The following CIBAR1 variants were observed in gnomAD, a reference collection of about 807,000 sequenced individuals.
The protein encoded by CIBAR1 is CBY1 interacting BAR domain containing 1, also known as CBY1-interacting BAR domain-containing protein 1.
Under a neutral mutation model 44.0 loss-of-function variants are expected in CIBAR1, and 25 were observed. The observed-to-expected ratio is 0.57, with a 90% CI of 0.41 to 0.79. CIBAR1 has a LOEUF of 0.79. Ranked by LOEUF, CIBAR1 falls within the 30% of genes least tolerant of loss-of-function variation. The pLI is 0.00. For missense variants in CIBAR1, 278 were observed against 344.8 expected (o/e 0.81, Z 1.53); for synonymous variants, 115 against 119.0 (o/e 0.97, Z 0.22).
At chr8:93,727,274 A>G (rs1373683666) in intron 8 of CIBAR1, 2 of 1,045,402 alleles carry the variant, frequency 1.9e-6, no homozygotes, top group Non-Finnish European at 2.6e-6. Context: ...TTCTATTTTC[A>G]TTTGATTCTC....
intron 7 of CIBAR1, among the ~76,000 whole-genome samples, chr8:93,724,095 C>G (rs1811378944): frequency 6.6e-6 from 1 of 152,006 alleles, no homozygotes; most frequent in African/African-American, 2.4e-5. Flanking sequence ...AGCCAGAGTA[C>G]CCCTGTGGTC....
intron 2 of CIBAR1, chr8:93,701,774 T>G: frequency 3.2e-6 from 1 of 311,984 alleles, no homozygotes; most frequent in South Asian, 4.5e-5. Flanking sequence ...TAAGCATAAC[T>G]TAATGTCTTG....
At chr8:93,727,925 T>C (rs1811602138) in intron 8 of CIBAR1, among the ~76,000 whole-genome samples, 2 of 151,698 alleles carry the variant, frequency 1.3e-5, no homozygotes. Flanking sequence ...TTAATATTCA[T>C]AATATAGAGT....
At chr8:93,725,156 T>C (rs1811429766) in intron 7 of CIBAR1, among the ~76,000 whole-genome samples, 1 of 152,032 alleles carries the variant, frequency 6.6e-6, no homozygotes, top group African/African-American at 2.4e-5. Context: ...CTGATTGTTT[T>C]TTTGTTTGGA....
intron 4 of CIBAR1, chr8:93,707,224 A>G (rs777316257): frequency 4.6e-6 from 2 of 432,494 alleles, no homozygotes; most frequent in South Asian, 3.4e-5. Context: ...TTTTCAGTGA[A>G]AAGAAGAAAT....
chr8:93,700,881 C>G, intron 1 of CIBAR1: 1 of 1,309,334 alleles, frequency 7.6e-7, no homozygotes, highest in Non-Finnish European at 9.6e-7. Flanking sequence ...CGGCTGCCAC[C>G]CACCCACGCC....
chr8:93,726,305 T>TAA, intron 7 of CIBAR1, 89 bp from the exon 8 acceptor site: 1 of 1,229,250 alleles, frequency 8.1e-7, no homozygotes, highest in Non-Finnish European at 1.1e-6. Flanking sequence ...GTTGTTTTTT[T>TAA]AAAAAAAAAT....
chr8:93,719,917 T>G (rs1811183693), intron 7 of CIBAR1: 1 of 151,662 alleles, frequency 6.6e-6, no homozygotes, highest in African/African-American at 2.4e-5. Context: ...TCTGTATTAA[T>G]AAAATATGGA....
At chr8:93,716,438 A>G (rs1811041250) in intron 6 of CIBAR1, among the ~76,000 whole-genome samples, 1 of 151,644 alleles carries the variant, frequency 6.6e-6, no homozygotes. Flanking sequence ...CATTTGTGTT[A>G]TTACTGCTGA....
intron 6 of CIBAR1, among the ~76,000 whole-genome samples, chr8:93,713,554 C>T (rs1305809490): frequency 6.6e-6 from 1 of 152,140 alleles, no homozygotes; most frequent in Non-Finnish European, 1.5e-5. Context: ...AGCTAAGAAT[C>T]CACTGCCAAA....
At chr8:93,728,037 G>T (rs1811610662) in intron 8 of CIBAR1, among the ~76,000 whole-genome samples, 168 bp from the exon 9 acceptor site, 1 of 151,778 alleles carries the variant, frequency 6.6e-6, no homozygotes, top group Admixed American at 6.6e-5. Flanking sequence ...GAAAAAACTG[G>T]CTTCTGAGCT....
chr8:93,700,645 A>G lies in CIBAR1; in HGVS notation c.-3A>G, dbSNP rs1040087159. Reference sequence around the variant, plus strand: ...CAAGGTCCCCGGCCGTGCGCGAGGCAGCATGATGAGGCGCACCCTGGAAAA... The same window carrying G: ...CAAGGTCCCCGGCCGTGCGCGAGGCGGCATGATGAGGCGCACCCTGGAAAA... On this transcript the variant is annotated 5_prime_UTR_variant, in exon 1 of 9. Transcript: ENST00000518322. 4.0e-6 allele frequency: 6 copies of G among 1,502,012 alleles called. No individual in the cohort carries two copies. In the South Asian group the frequency reaches 6.3e-5, roughly 16 times the overall value. The allele number at this position is 1,502,012 out of a possible 1,614,324, so 93.0% of individuals were successfully genotyped here.
At chr8:93,720,907 T>G (rs1340651652) in intron 7 of CIBAR1, 1 of 152,172 alleles carries the variant, frequency 6.6e-6, no homozygotes, top group East Asian at 1.9e-4. Context: ...CATCTGTCAT[T>G]TATAAAATAA....
rs757436990 is a variant in CIBAR1 at position 93,704,999 on chromosome 8, C to G, written c.421C>G (p.Arg141Gly). ...ERTRQRNPSD[R>G]HVISQAETEL... Reference sequence around the variant, plus strand: ...AACACGTCAGCGAAACCCATCTGATCGACATGTTATTGTATCCTTTGAATT... The same window carrying G: ...AACACGTCAGCGAAACCCATCTGATGGACATGTTATTGTATCCTTTGAATT... The change falls in exon 4 of 9, where the codon CGA (arginine) becomes GGA (glycine). Residue 141 changes from arginine (R) to glycine (G), a missense_variant. Arg to Gly is a moderately radical substitution (Grantham distance 125). Coordinates refer to ENST00000518322, the MANE Select transcript of CIBAR1 (RefSeq NM_145269.5). The G allele has an allele frequency of 5.6e-6, 9 of 1,609,992 alleles. No individual in the cohort carries two copies. Among genetic ancestry groups the G allele is most frequent in the South Asian group, 1.1e-5 (1 of 90,738 alleles).
intron 6 of CIBAR1, 95 bp downstream of exon 6, chr8:93,709,970 A>G: frequency 1.2e-6 from 1 of 854,354 alleles, no homozygotes; most frequent in Non-Finnish European, 1.8e-6. Context: ...TTAGCCCATA[A>G]TACCCCTTAT....
intron 6 of CIBAR1, among the ~76,000 whole-genome samples, chr8:93,712,738 G>A (rs1810873562): frequency 6.6e-6 from 1 of 151,366 alleles, no homozygotes; most frequent in Admixed American, 6.6e-5. Flanking sequence ...TTCTCCTAGT[G>A]GATTTGAAGT....
At chr8:93,717,436 T>C (rs1276538813) in intron 6 of CIBAR1, among the ~76,000 whole-genome samples, 1 of 152,228 alleles carries the variant, frequency 6.6e-6, no homozygotes, top group East Asian at 1.9e-4. Flanking sequence ...GAGCCCTCTA[T>C]AACTTACATG....
chr8:93,706,113 A>C (rs887820985), intron 4 of CIBAR1: 2 of 152,194 alleles, frequency 1.3e-5, no homozygotes, highest in African/African-American at 4.8e-5. Flanking sequence ...GAGGTTCCAG[A>C]ACACCTCCAT....
rs1474871879 is a variant in CIBAR1, at chr8:93,726,526, C to A, written c.777+13C>A. ...TGGAACAGGACAGGTGAGCAAGAAACCGTACTCTAAAGGAATTTGAGCTGC... is the reference window on the plus strand; with the variant it reads ...TGGAACAGGACAGGTGAGCAAGAAAACGTACTCTAAAGGAATTTGAGCTGC... On this transcript the variant is annotated intron_variant, in intron 8 of 8. Coordinates refer to ENST00000518322, the MANE Select transcript of CIBAR1 (RefSeq NM_145269.5). 6.2e-7 allele frequency: 1 copy of A among 1,612,678 alleles called. No individual in the cohort carries two copies. The highest frequency in any genetic ancestry group is 1.7e-5 in the Admixed American group (1 of 59,854).
Sources: gnomAD v4.1 joint callset for allele counts (sites outside exome capture counted in the v4.1 genomes callset) on GRCh38, gnomAD v4.1.1 for gene constraint, MANE v1.5 for transcripts, NCBI Gene and HGNC (gene_info 2026-07-23, HGNC 2026-07-21) for gene names.